APBA1: variants seen among roughly 807,000 people sequenced by gnomAD.
The protein encoded by APBA1 is amyloid beta precursor protein binding family A member 1, also known as amyloid-beta A4 precursor protein-binding family A member 1.
APBA1 carries 55 observed loss-of-function variants against 86.6 expected under a neutral mutation model. The observed-to-expected ratio is 0.64, with a 90% CI of 0.51 to 0.80. APBA1 has a LOEUF of 0.80. APBA1 is among the 30% of genes least tolerant of loss of function. APBA1 has a pLI of 0.00. For synonymous variants in APBA1, 511 were observed against 493.9 expected (o/e 1.03, Z -0.46); for missense variants, 1,090 against 1,183.0 (o/e 0.92, Z 1.15).
At chr9:69,469,077 T>C (rs1270911107) in intron 4 of APBA1, among the ~76,000 whole-genome samples, 1 of 152,074 alleles carries the variant, frequency 6.6e-6, no homozygotes, top group African/African-American at 2.4e-5. Context: ...CCCAGGCTGG[T>C]CTTGGACTCC....
intron 1 of APBA1, among the ~76,000 whole-genome samples, chr9:69,519,860 T>C (rs1489096103): frequency 1.3e-5 from 2 of 152,216 alleles, no homozygotes; most frequent in Admixed American, 6.5e-5. Flanking sequence ...TTATAACCCA[T>C]GTATTGATTC....
chr9:69,458,209 A>G, intron 5 of APBA1, 21 bp from the exon 6 acceptor site: 1 of 1,601,806 alleles, frequency 6.2e-7, no homozygotes, highest in Non-Finnish European at 8.5e-7. Flanking sequence ...TGGAACAAAC[A>G]GAGACAGGAG....
At chr9:69,601,902 T>C (rs1011242454) in intron 1 of APBA1, among the ~76,000 whole-genome samples, 4 of 152,158 alleles carry the variant, frequency 2.6e-5, no homozygotes, top group African/African-American at 9.7e-5. Flanking sequence ...ATGCTCAGGC[T>C]CCATGGGCAA....
chr9:69,583,279 C>CA (rs1164918453), intron 1 of APBA1, among the ~76,000 whole-genome samples: 1 of 152,182 alleles, frequency 6.6e-6, no homozygotes, highest in Non-Finnish European at 1.5e-5. Context: ...TCCAGCCCAC[C>CA]ACCACTGGAC....
chr9:69,492,236 A>G (rs999511814), intron 2 of APBA1, among the ~76,000 whole-genome samples: 11 of 152,046 alleles, frequency 7.2e-5, no homozygotes, highest in African/African-American at 2.7e-4. Context: ...CTTCCTGAGA[A>G]ATGGGGAAAC....
chr9:69,534,087 A>T (rs1346515862), intron 1 of APBA1, among the ~76,000 whole-genome samples: 1 of 152,258 alleles, frequency 6.6e-6, no homozygotes, highest in Non-Finnish European at 1.5e-5. Flanking sequence ...AATTCAAAAT[A>T]TGCAAACAAC....
intron 2 of APBA1, among the ~76,000 whole-genome samples, chr9:69,491,789 G>C (rs1030230001): frequency 2.0e-5 from 3 of 148,104 alleles, no homozygotes; most frequent in Non-Finnish European, 3.0e-5. Flanking sequence ...TTTTGAGATG[G>C]AGTCTTGCTT....
intron 1 of APBA1, among the ~76,000 whole-genome samples, chr9:69,661,839 C>A (rs1020638525): frequency 1.3e-5 from 2 of 152,110 alleles, no homozygotes; most frequent in African/African-American, 4.8e-5. Flanking sequence ...TTCGCACACA[C>A]TCGCTGTCTT....
intron 1 of APBA1, among the ~76,000 whole-genome samples, chr9:69,534,113 T>C (rs916663768): frequency 2.6e-5 from 4 of 152,200 alleles, no homozygotes; most frequent in African/African-American, 7.2e-5. Context: ...GCAAATCTGA[T>C]TCGTCCACCT....
chr9:69,597,565 T>C (rs1302633200), intron 1 of APBA1, among the ~76,000 whole-genome samples: 1 of 152,216 alleles, frequency 6.6e-6, no homozygotes, highest in Non-Finnish European at 1.5e-5. Context: ...GCTTTTGGTG[T>C]TTTAGACATG....
intron 1 of APBA1, among the ~76,000 whole-genome samples, chr9:69,586,533 A>G (rs750046791): frequency 6.6e-6 from 1 of 152,048 alleles, no homozygotes; most frequent in African/African-American, 2.4e-5. Flanking sequence ...GGGATTTTTA[A>G]AGCCAACCTC....
At chr9:69,585,786 G>A (rs1047670607) in intron 1 of APBA1, among the ~76,000 whole-genome samples, 1 of 152,088 alleles carries the variant, frequency 6.6e-6, no homozygotes, top group Middle Eastern at 3.2e-3. Flanking sequence ...TTTATTCCCT[G>A]TACCAAAGCC....
chr9:69,567,843 C>T lies in APBA1; in HGVS notation c.-69-50564G>A, dbSNP rs560768577. 2.0e-4 allele frequency among the ~76,000 whole-genome samples: 31 copies of T among 152,236 alleles called. No individual in the cohort carries two copies. In the South Asian group the frequency reaches 6.0e-3, roughly 30 times the overall value. Reference sequence around the variant, plus strand: ...CTCAGCACCCACCCTCCACCTTGAGCATCTCTGCCTCCAAGCTCGTTCCCC... The same window carrying T: ...CTCAGCACCCACCCTCCACCTTGAGTATCTCTGCCTCCAAGCTCGTTCCCC... On this transcript the variant is annotated intron_variant, in intron 1 of 12. Coordinates refer to ENST00000265381, the MANE Select transcript of APBA1 (RefSeq NM_001163.4).
intron 3 of APBA1, among the ~76,000 whole-genome samples, chr9:69,475,494 A>AT (rs1423446995): frequency 5.9e-5 from 9 of 152,354 alleles, no homozygotes; most frequent in South Asian, 2.1e-4. Context: ...AAGGGCGCTC[A>AT]TAAGATGGGC....
At chr9:69,657,976 G>T (rs1823645497) in intron 1 of APBA1, among the ~76,000 whole-genome samples, 1 of 152,176 alleles carries the variant, frequency 6.6e-6, no homozygotes, top group South Asian at 2.1e-4. Context: ...TAGAACCCCA[G>T]GGATGCAGGC....
intron 1 of APBA1, among the ~76,000 whole-genome samples, chr9:69,666,392 C>A (rs1252576621): frequency 6.6e-6 from 1 of 152,068 alleles, no homozygotes; most frequent in Non-Finnish European, 1.5e-5. Context: ...TGTCACCCCC[C>A]ACCCACCCAC....
rs1834968545 is a variant in APBA1, at chr9:69,449,667, G to A, written c.2098C>T (p.Leu700=). 1 of 1,613,998 alleles carries A rather than the reference G, an allele frequency of 6.2e-7. No homozygotes were observed. Among genetic ancestry groups the A allele is most frequent in the East Asian group, 2.2e-5 (1 of 44,872 alleles). ...GACATGATCTGGTCACCGATATTCA[G>A]CTTCCCAGATTTCTCCGCAGGGCCA... ...HGGPAEKSGK[L]NIGDQIMSIN... is the part of the protein sequence containing the mutation. Residue 700 remains leucine (L), a synonymous_variant, in exon 10 of 13, where the codon CTG becomes TTG. Transcript: ENST00000265381.
intron 1 of APBA1, among the ~76,000 whole-genome samples, chr9:69,564,492 C>T (rs573820330): frequency 2.6e-5 from 4 of 152,246 alleles, no homozygotes; most frequent in Non-Finnish European, 5.9e-5. Flanking sequence ...CACAAAATGA[C>T]CTCCGTATGC....
intron 1 of APBA1, among the ~76,000 whole-genome samples, chr9:69,599,108 C>T (rs1223569148): frequency 6.6e-6 from 1 of 152,032 alleles, no homozygotes; most frequent in Admixed American, 6.6e-5. Context: ...TTTGGAGTCT[C>T]AAGGTTACAA....
Sources: gnomAD v4.1 joint callset for allele counts (sites outside exome capture counted in the v4.1 genomes callset) on GRCh38, gnomAD v4.1.1 for gene constraint, MANE v1.5 for transcripts, NCBI Gene and HGNC (gene_info 2026-07-23, HGNC 2026-07-21) for gene names.